Variants in EPB41L5 observed in about 807,000 individuals in gnomAD.
EPB41L5 encodes band 4.1-like protein 5.
EPB41L5 carries 55 observed loss-of-function variants against 106.6 expected under a neutral mutation model. The observed-to-expected ratio is 0.52, with a 90% CI of 0.42 to 0.65. The LOEUF is 0.65. EPB41L5 is among the 30% of genes least tolerant of loss of function. The pLI is 0.00. For missense variants in EPB41L5, 871 were observed against 882.1 expected (o/e 0.99, Z 0.16); for synonymous variants, 297 against 306.7 (o/e 0.97, Z 0.33).
At chr2:120,103,140 A>T (rs1340434710) in intron 16 of EPB41L5, among the ~76,000 whole-genome samples, 1 of 152,218 alleles carries the variant, frequency 6.6e-6, no homozygotes, top group Non-Finnish European at 1.5e-5. Context: ...TGAGTTAGAA[A>T]GATAACACTT....
chr2:120,094,222 A>G (rs1372967500), intron 14 of EPB41L5, among the ~76,000 whole-genome samples: 1 of 152,124 alleles, frequency 6.6e-6, no homozygotes, highest in Non-Finnish European at 1.5e-5. Flanking sequence ...CCTGGGCTCA[A>G]GCAATCCTCC....
At chr2:120,072,844 T>A (rs571017397) in intron 3 of EPB41L5, among the ~76,000 whole-genome samples, 1 of 151,924 alleles carries the variant, frequency 6.6e-6, no homozygotes, top group South Asian at 2.1e-4. Context: ...GATGTGTTGA[T>A]GGGTGCAGCA....
At chr2:120,083,332 A>T (rs766975585) in intron 10 of EPB41L5, among the ~76,000 whole-genome samples, 1 of 152,206 alleles carries the variant, frequency 6.6e-6, no homozygotes, top group Non-Finnish European at 1.5e-5. Flanking sequence ...TTCAAAGAAC[A>T]TCTTTATTTC....
At chr2:120,106,134 A>G (rs1404803411) in intron 16 of EPB41L5, 1 of 985,124 alleles carries the variant, frequency 1.0e-6, no homozygotes, top group Non-Finnish European at 1.2e-6. Flanking sequence ...TGTTACATTT[A>G]AGGGAAGATT....
At position 120,175,837 on chromosome 2, in the gene EPB41L5, A is replaced by C. The variant is rs559027974; in HGVS notation, c.*930A>C. On this transcript the variant is annotated 3_prime_UTR_variant, in exon 25 of 25. Coordinates refer to ENST00000263713, the MANE Select transcript of EPB41L5 (RefSeq NM_020909.4). ...CTTCATTTCCTTTCAGTATAAGCTG[A>C]ATAAATTTAGAGCTTTCAAACTGGA... 6.6e-6 allele frequency: 1 copy of C among 152,218 alleles called. No individual in the cohort carries two copies. Among genetic ancestry groups the C allele is most frequent in the Non-Finnish European group, 1.5e-5 (1 of 68,040 alleles). 9.4% of individuals were successfully genotyped at this position (152,218 alleles called of 1,614,324 possible).
rs1687940041 is a variant in EPB41L5 at position 120,176,940 on chromosome 2, AAT to A, written c.*2036_*2037del. 6.6e-6 allele frequency: 1 copy of A among 152,152 alleles called. No individual in the cohort carries two copies. The allele number at this position is 152,152 out of a possible 1,614,324, so 9.4% of individuals were successfully genotyped here. On this transcript the variant is annotated 3_prime_UTR_variant, in exon 25 of 25. Coordinates refer to ENST00000263713, the MANE Select transcript of EPB41L5 (RefSeq NM_020909.4). ...GGATACCTGTATTCTTGACAGTTAG[AAT>A]ATTGGTAGGGACTTTGTTAAAATTC...
At position 120,091,631 on chromosome 2, in the gene EPB41L5, C is replaced by G; in HGVS notation, c.1120C>G (p.Arg374Gly). Residue 374 changes from arginine to glycine, a missense_variant, in exon 13 of 25, where the codon CGA (arginine) becomes GGA (glycine). Transcript: ENST00000263713. ...ATCCTTTGAAAGAAGGCCCAGCAAA[C>G]GATATTCTAGACGAACTCTACAAAT... ...STSFERRPSK[R>G]YSRRTLQMKA... The G allele has an allele frequency of 6.2e-7, 1 of 1,613,618 alleles. No individual in the cohort carries two copies. Among genetic ancestry groups the G allele is most frequent in the Non-Finnish European group, 8.5e-7 (1 of 1,179,688 alleles).
chr2:120,057,502 A>G (rs1680739306), intron 3 of EPB41L5, among the ~76,000 whole-genome samples: 1 of 152,206 alleles, frequency 6.6e-6, no homozygotes. Flanking sequence ...CCCAACTATG[A>G]ATTCTCCAAT....
At chr2:120,072,929 T>A (rs369706273) in intron 3 of EPB41L5, among the ~76,000 whole-genome samples, 2 of 147,562 alleles carry the variant, frequency 1.4e-5, no homozygotes, top group Admixed American at 1.3e-4. Flanking sequence ...TTAAAGTATT[T>A]AAAAAAAAAA....
chr2:120,122,570 T>C (rs1181897295), intron 16 of EPB41L5, among the ~76,000 whole-genome samples: 5 of 152,214 alleles, frequency 3.3e-5, no homozygotes, highest in Non-Finnish European at 7.3e-5. Context: ...GCTGTTTTGG[T>C]TACTGTAGCC....
At chr2:120,032,329 G>A (rs1678768248) in intron 2 of EPB41L5, among the ~76,000 whole-genome samples, 1 of 152,184 alleles carries the variant, frequency 6.6e-6, no homozygotes, top group Non-Finnish European at 1.5e-5. Context: ...AGTGAGCCGA[G>A]ATCATGCTAC....
chr2:120,019,135 T>C lies in EPB41L5; in HGVS notation c.51T>C (p.His17=). Residue 17 remains histidine (H), a synonymous_variant, in exon 2 of 25, where the codon CAT becomes CAC. Coordinates refer to ENST00000263713, the MANE Select transcript of EPB41L5 (RefSeq NM_020909.4). ...TAGGGCGTCGGTCTATGCGTAAACA[T>C]GCAGAGAAGGAACGACTCCGAGAAG... ...RTLGRRSMRK[H]AEKERLREAQ... 1 of 1,613,940 alleles carries C rather than the reference T, an allele frequency of 6.2e-7. No individual in the cohort carries two copies. The highest frequency in any genetic ancestry group is 8.5e-7 in the Non-Finnish European group (1 of 1,179,986).
intron 2 of EPB41L5, among the ~76,000 whole-genome samples, chr2:120,035,512 T>A (rs2105186532): frequency 6.6e-6 from 1 of 152,338 alleles, no homozygotes; most frequent in South Asian, 2.1e-4. Context: ...CTATTAATGT[T>A]TGTTCAATAA....
chr2:120,052,014 A>G (rs1242484119), intron 3 of EPB41L5, among the ~76,000 whole-genome samples: 1 of 152,142 alleles, frequency 6.6e-6, no homozygotes, highest in East Asian at 1.9e-4. Flanking sequence ...TTTAGTACAG[A>G]CAGGGTTTCA....
chr2:120,096,258 G>T (rs181409547), intron 14 of EPB41L5, among the ~76,000 whole-genome samples: 1 of 151,824 alleles, frequency 6.6e-6, no homozygotes, highest in Non-Finnish European at 1.5e-5. Flanking sequence ...AAGCCAGTCC[G>T]TGATTAGTGA....
chr2:120,017,260 C>T (rs887724074), intron 1 of EPB41L5, among the ~76,000 whole-genome samples: 4 of 152,180 alleles, frequency 2.6e-5, no homozygotes, highest in African/African-American at 9.7e-5. Flanking sequence ...CTTGCTGTTA[C>T]GCATCATGAG....
intron 3 of EPB41L5, among the ~76,000 whole-genome samples, chr2:120,043,950 C>G (rs1259577528): frequency 6.6e-6 from 1 of 151,844 alleles, no homozygotes; most frequent in Non-Finnish European, 1.5e-5. Flanking sequence ...AGTTTGAGAC[C>G]AGCCTAGGCA....
At chr2:120,058,423 G>A (rs1680804621) in intron 3 of EPB41L5, among the ~76,000 whole-genome samples, 1 of 152,198 alleles carries the variant, frequency 6.6e-6, no homozygotes, top group African/African-American at 2.4e-5. Context: ...TGATCCTCTT[G>A]CCTTGGCCCT....
At chr2:120,117,914 G>C (rs1379510627) in intron 16 of EPB41L5, among the ~76,000 whole-genome samples, 1 of 151,522 alleles carries the variant, frequency 6.6e-6, no homozygotes, top group Admixed American at 6.6e-5. Flanking sequence ...AAGCTTTTTT[G>C]TGGATAATTG....
Sources: gnomAD v4.1 joint callset for allele counts (sites outside exome capture counted in the v4.1 genomes callset) on GRCh38, gnomAD v4.1.1 for gene constraint, MANE v1.5 for transcripts, NCBI Gene and HGNC (gene_info 2026-07-23, HGNC 2026-07-21) for gene names.